The following UNC13C variants were observed in gnomAD, a reference collection of about 807,000 sequenced individuals.
UNC13C encodes protein unc-13 homolog C.
UNC13C carries 174 observed loss-of-function variants against 245.4 expected under a neutral mutation model. The observed-to-expected ratio is 0.71, with a 90% confidence interval of 0.63 to 0.80. The LOEUF is 0.80. Among genes scored for constraint, UNC13C ranks in the 30% least tolerant of loss-of-function variants. UNC13C has a pLI of 0.00. For synonymous variants in UNC13C, 992 were observed against 895.1 expected, an observed-to-expected ratio of 1.11 and a Z score of -1.93; for missense variants, 2,829 against 2,602.9, an observed-to-expected ratio of 1.09 and a Z score of -1.89.
intron 4 of UNC13C, among the ~76,000 whole-genome samples, chr15:54,216,934 A>T (rs1185587546): frequency 6.6e-6 from 1 of 151,986 alleles, no homozygotes; most frequent in Non-Finnish European, 1.5e-5. Context: ...TTACTGTGAG[A>T]TGGCATGTTG....
intron 2 of UNC13C, among the ~76,000 whole-genome samples, chr15:54,079,575 T>A (rs538345215): frequency 6.6e-6 from 1 of 152,172 alleles, no homozygotes; most frequent in South Asian, 2.1e-4. Flanking sequence ...GTGTGGCTAT[T>A]ATAAATGGGA....
At chr15:54,376,472 G>C (rs891442204) in intron 17 of UNC13C, among the ~76,000 whole-genome samples, 6 of 152,132 alleles carry the variant, frequency 3.9e-5, no homozygotes, top group Non-Finnish European at 7.4e-5. Flanking sequence ...GATAAAACTA[G>C]CTGCTAAATT....
chr15:54,154,507 T>C (rs2032657289), intron 4 of UNC13C, among the ~76,000 whole-genome samples: 2 of 152,186 alleles, frequency 1.3e-5, no homozygotes, highest in South Asian at 4.1e-4. Flanking sequence ...AAATCGTATA[T>C]TAACCAAGAT....
chr15:53,953,069 C>T, the UNC13C span, among the ~76,000 whole-genome samples: 2 of 152,192 alleles, frequency 1.3e-5, no homozygotes, highest in African/African-American at 4.8e-5. Context: ...ATTAGCACCT[C>T]ACAACAGCTG....
At chr15:54,443,371 A>G (rs901184969) in intron 19 of UNC13C, among the ~76,000 whole-genome samples, 4 of 151,536 alleles carry the variant, frequency 2.6e-5, no homozygotes, top group African/African-American at 9.7e-5. Context: ...TGTTTCATTG[A>G]TCCTTTGTAT....
chr15:54,172,718 ATATAT>A (rs2033455805), intron 4 of UNC13C, among the ~76,000 whole-genome samples: 3 of 21,774 alleles, frequency 1.4e-4, no homozygotes, highest in African/African-American at 7.0e-4. Flanking sequence ...ATATATATAT[ATATAT>A]ATATATATAT....
intron 4 of UNC13C, among the ~76,000 whole-genome samples, chr15:54,193,301 G>T (rs115095362): frequency 0.016 from 2,499 of 152,238 alleles, 60 homozygotes; most frequent in African/African-American, 0.058. Flanking sequence ...CATGTGATAT[G>T]CTTGGAGACT....
At chr15:54,203,484 G>A (rs866400056) in intron 4 of UNC13C, among the ~76,000 whole-genome samples, 4 of 139,774 alleles carry the variant, frequency 2.9e-5, no homozygotes, top group South Asian at 2.3e-4. Context: ...ATGTGTGTGT[G>A]TATATATATA....
the UNC13C span, among the ~76,000 whole-genome samples, chr15:53,894,121 G>A: frequency 6.6e-6 from 1 of 152,176 alleles, no homozygotes; most frequent in Admixed American, 6.5e-5. Context: ...GTGCTTCCCA[G>A]GTGAGGCGAC....
At chr15:54,505,664 A>T (rs1052560526) in intron 22 of UNC13C, among the ~76,000 whole-genome samples, 5 of 152,126 alleles carry the variant, frequency 3.3e-5, no homozygotes, top group African/African-American at 1.2e-4. Flanking sequence ...ATTCAAGTGT[A>T]CATTGTACAT....
intron 19 of UNC13C, among the ~76,000 whole-genome samples, chr15:54,432,053 T>C (rs1426438700): frequency 6.6e-6 from 1 of 151,552 alleles, no homozygotes; most frequent in East Asian, 1.9e-4. Context: ...TTTCTATATA[T>C]TTATATTTAA....
At chr15:54,465,573 A>G (rs1892122350) in intron 19 of UNC13C, among the ~76,000 whole-genome samples, 1 of 152,028 alleles carries the variant, frequency 6.6e-6, no homozygotes, top group Non-Finnish European at 1.5e-5. Flanking sequence ...AGCTACATTT[A>G]AGTAAAATGA....
the UNC13C span, among the ~76,000 whole-genome samples, chr15:53,867,265 A>G: frequency 6.6e-5 from 10 of 152,246 alleles, no homozygotes; most frequent in Admixed American, 5.9e-4. Context: ...AGGAACACAA[A>G]TAAGCAATGA....
chr15:54,421,953 A>G (rs574907775), intron 19 of UNC13C, among the ~76,000 whole-genome samples: 4 of 152,180 alleles, frequency 2.6e-5, no homozygotes, highest in South Asian at 2.1e-4. Flanking sequence ...TTTACTTTAC[A>G]ATAAGCAAAT....
chr15:54,339,221 C>T (rs1297829339), intron 17 of UNC13C, among the ~76,000 whole-genome samples: 1 of 152,148 alleles, frequency 6.6e-6, no homozygotes, highest in Non-Finnish European at 1.5e-5. Context: ...ATCAAAACCA[C>T]AATGAGATAC....
chr15:54,409,948 C>T (rs1338454024), intron 18 of UNC13C, among the ~76,000 whole-genome samples: 1 of 152,182 alleles, frequency 6.6e-6, no homozygotes, highest in African/African-American at 2.4e-5. Flanking sequence ...GAGAAATCTC[C>T]AAACTGTTTT....
chr15:53,873,908 CTT>C, the UNC13C span, among the ~76,000 whole-genome samples: 1 of 20,518 alleles, frequency 4.9e-5, no homozygotes, highest in East Asian at 2.5e-3. Context: ...TCCTTCCTTC[CTT>C]CCTTCCTTCC....
intron 19 of UNC13C, among the ~76,000 whole-genome samples, chr15:54,426,035 C>T (rs1596358175): frequency 2.0e-5 from 3 of 151,790 alleles, no homozygotes; most frequent in African/African-American, 7.2e-5. Context: ...CTAACAATGA[C>T]TCTCCTGCCT....
intron 1 of UNC13C, among the ~76,000 whole-genome samples, chr15:54,006,996 G>C (rs1165545876): frequency 1.3e-5 from 2 of 152,186 alleles, no homozygotes; most frequent in African/African-American, 4.8e-5. Context: ...CCTCCTACCT[G>C]ATGGGAAGCT....
Sources: gnomAD v4.1 joint callset for allele counts (sites outside exome capture counted in the v4.1 genomes callset) on GRCh38, gnomAD v4.1.1 for gene constraint, MANE v1.5 for transcripts, NCBI Gene and HGNC (gene_info 2026-07-23, HGNC 2026-07-21) for gene names.